PGBD5: variants seen among roughly 807,000 people sequenced by gnomAD.
PGBD5 encodes piggyBac transposable element derived 5.
In PGBD5, 14 loss-of-function variants were observed where a neutral mutation model predicts 47.9. That is an observed-to-expected ratio of 0.29 (90% CI 0.19 to 0.46). The LOEUF (loss-of-function observed/expected upper bound fraction) is 0.46. Ranked by LOEUF, PGBD5 falls within the 20% of genes least tolerant of loss-of-function variation. PGBD5 has a pLI of 1.00. For missense variants in PGBD5, 635 were observed against 716.0 expected (o/e 0.89, Z 1.29); for synonymous variants, 316 against 306.3 (o/e 1.03, Z -0.33).
At chr1:230,346,747 C>T (rs1191040748) in intron 3 of PGBD5, among the ~76,000 whole-genome samples, 1 of 152,202 alleles carries the variant, frequency 6.6e-6, no homozygotes, top group African/African-American at 2.4e-5. Flanking sequence ...TTTCTTACCC[C>T]TACAGGTGCC....
chr1:230,330,741 C>G (rs1667201044), intron 5 of PGBD5, among the ~76,000 whole-genome samples: 1 of 149,774 alleles, frequency 6.7e-6, no homozygotes, highest in Non-Finnish European at 1.5e-5. Context: ...GGACCAGGGT[C>G]CCTGGAGTGG....
chr1:230,341,116 G>A (rs570845102), intron 3 of PGBD5, among the ~76,000 whole-genome samples: 10 of 152,298 alleles, frequency 6.6e-5, no homozygotes, highest in South Asian at 2.1e-4. Flanking sequence ...CAAATGTGTG[G>A]CACTCATTGC....
chr1:230,378,235 G>T (rs976160392), intron 1 of PGBD5, among the ~76,000 whole-genome samples: 2 of 152,184 alleles, frequency 1.3e-5, no homozygotes, highest in Admixed American at 1.3e-4. Flanking sequence ...GGTAGACACA[G>T]GATCTAACAC....
intron 2 of PGBD5, 110 bp downstream of exon 2, chr1:230,356,784 C>CAA (rs1180463985): frequency 3.1e-5 from 37 of 1,180,758 alleles, no homozygotes; most frequent in Non-Finnish European, 4.2e-5. Flanking sequence ...GAAGTGAACT[C>CAA]AGAGGGCAGG....
chr1:230,384,099 C>A (rs1656580190), intron 1 of PGBD5, among the ~76,000 whole-genome samples: 1 of 152,274 alleles, frequency 6.6e-6, no homozygotes, highest in Non-Finnish European at 1.5e-5. Flanking sequence ...TTCCTGATTT[C>A]TTTGGGGGAA....
rs938397072 is a variant in PGBD5, at chr1:230,320,578, C to T, written c.*2847G>A. On this transcript the variant is annotated 3_prime_UTR_variant, in exon 7 of 7. Coordinates refer to ENST00000391860, the MANE Select transcript of PGBD5 (RefSeq NM_001258311.2). ...CATGTGTGCAGTGGTGCTTGCCAGC[C>T]CCATATACTCAGCCAGGGCCATGCT... The T allele has an allele frequency of 6.6e-6, 1 of 152,180 alleles. No homozygotes were observed. The highest frequency in any genetic ancestry group is 1.5e-5 in the Non-Finnish European group (1 of 68,056). 9.4% of individuals were successfully genotyped at this position (152,180 alleles called of 1,614,324 possible).
intron 1 of PGBD5, among the ~76,000 whole-genome samples, chr1:230,407,533 G>C (rs1013686448): frequency 1.3e-5 from 2 of 152,160 alleles, no homozygotes; most frequent in African/African-American, 2.4e-5. Flanking sequence ...CTGGATTAAT[G>C]AGGAAATCAG....
At chr1:230,327,348 C>A (rs143440513) in intron 5 of PGBD5, among the ~76,000 whole-genome samples, 1 of 152,194 alleles carries the variant, frequency 6.6e-6, no homozygotes, top group East Asian at 1.9e-4. Context: ...CCCCTCCCAC[C>A]CCCACAACTC....
intron 3 of PGBD5, among the ~76,000 whole-genome samples, chr1:230,347,132 T>C (rs923423630): frequency 5.9e-5 from 9 of 151,970 alleles, no homozygotes; most frequent in African/African-American, 2.2e-4. Flanking sequence ...TCCCAGGTGG[T>C]CAACAGCAGT....
At chr1:230,348,280 G>T (rs933364187) in intron 3 of PGBD5, among the ~76,000 whole-genome samples, 1 of 152,224 alleles carries the variant, frequency 6.6e-6, no homozygotes, top group Non-Finnish European at 1.5e-5. Flanking sequence ...TTAATTTCTA[G>T]ATCACAACTC....
At chr1:230,372,352 A>G (rs899552704) in intron 1 of PGBD5, among the ~76,000 whole-genome samples, 3 of 152,242 alleles carry the variant, frequency 2.0e-5, no homozygotes, top group Admixed American at 6.5e-5. Context: ...GTTGCAAAGC[A>G]TAACACAACC....
chr1:230,342,775 C>T (rs1028797791), intron 3 of PGBD5, among the ~76,000 whole-genome samples: 7 of 152,164 alleles, frequency 4.6e-5, no homozygotes, highest in Non-Finnish European at 7.3e-5. Flanking sequence ...GAAAATTGTG[C>T]ACATAGAAGT....
intron 1 of PGBD5, chr1:230,377,495 T>A (rs1185370685): frequency 1.2e-6 from 2 of 1,612,680 alleles, no homozygotes; most frequent in Non-Finnish European, 8.5e-7. Context: ...AAGACAGCTG[T>A]ACCTGTGAAT....
intron 1 of PGBD5, among the ~76,000 whole-genome samples, chr1:230,363,279 C>T (rs561425638): frequency 1.0e-3 from 152 of 152,226 alleles, no homozygotes; most frequent in African/African-American, 3.4e-3. Flanking sequence ...CTTGCCCCAT[C>T]AGGAAGAAAA....
At chr1:230,395,415 C>A (rs1340330282) in intron 1 of PGBD5, among the ~76,000 whole-genome samples, 1 of 24,456 alleles carries the variant, frequency 4.1e-5, no homozygotes, top group Non-Finnish European at 8.0e-5. Context: ...TCACTCCCAC[C>A]CTCCTCCCCT....
chr1:230,407,428 C>A (rs903798440), intron 1 of PGBD5, among the ~76,000 whole-genome samples: 1 of 152,104 alleles, frequency 6.6e-6, no homozygotes, highest in Admixed American at 6.5e-5. Flanking sequence ...GAAAAAAAAA[C>A]TGTTCCCTGA....
At chr1:230,371,969 A>T (rs1324813705) in intron 1 of PGBD5, among the ~76,000 whole-genome samples, 2 of 152,206 alleles carry the variant, frequency 1.3e-5, no homozygotes, top group Non-Finnish European at 2.9e-5. Context: ...GGAATGGAAG[A>T]GGAGGGGATG....
chr1:230,399,500 G>C (rs1249871375), intron 1 of PGBD5, among the ~76,000 whole-genome samples: 1 of 152,128 alleles, frequency 6.6e-6, no homozygotes, highest in Non-Finnish European at 1.5e-5. Flanking sequence ...CATGGGTCTG[G>C]TTACCCATAC....
intron 1 of PGBD5, among the ~76,000 whole-genome samples, chr1:230,371,888 G>A (rs1198057878): frequency 6.6e-6 from 1 of 152,196 alleles, no homozygotes; most frequent in Non-Finnish European, 1.5e-5. Flanking sequence ...CGCCACCTCA[G>A]TGCAGTACCT....
Sources: gnomAD v4.1 joint callset for allele counts (sites outside exome capture counted in the v4.1 genomes callset) on GRCh38, gnomAD v4.1.1 for gene constraint, MANE v1.5 for transcripts, NCBI Gene and HGNC (gene_info 2026-07-23, HGNC 2026-07-21) for gene names.